Variants in TGFBR2 observed in about 807,000 individuals in gnomAD.
The protein encoded by TGFBR2 is transforming growth factor beta receptor 2, also known as TGF-beta receptor type-2.
TGFBR2 carries 18 observed loss-of-function variants against 49.0 expected under a neutral mutation model. That is an observed-to-expected ratio of 0.37 (90% CI 0.25 to 0.54). The LOEUF (loss-of-function observed/expected upper bound fraction) is 0.54. Among genes scored for constraint, TGFBR2 ranks in the 20% least tolerant of loss-of-function variants. The pLI is 0.85. For synonymous variants in TGFBR2, 282 were observed against 275.9 expected, an observed-to-expected ratio of 1.02 and a Z score of -0.22; for missense variants, 525 against 722.6, an observed-to-expected ratio of 0.73 and a Z score of 3.13.
intron 3 of TGFBR2, among the ~76,000 whole-genome samples, chr3:30,662,082 A>G (rs1340567321): frequency 6.6e-6 from 1 of 152,210 alleles, no homozygotes; most frequent in Admixed American, 6.5e-5. Flanking sequence ...TCCCATAGAA[A>G]ACGGATTCAT....
intron 1 of TGFBR2, among the ~76,000 whole-genome samples, chr3:30,632,443 G>A (rs151016821): frequency 3.2e-4 from 48 of 152,228 alleles, no homozygotes; most frequent in African/African-American, 1.1e-3. Context: ...AACACTCTTG[G>A]CAACTTTATT....
intron 5 of TGFBR2, among the ~76,000 whole-genome samples, chr3:30,679,552 G>A (rs114973498): frequency 1.3e-5 from 2 of 152,270 alleles, no homozygotes; most frequent in African/African-American, 2.4e-5. Context: ...AGAGAGAAAG[G>A]CTTCTTATTG....
At chr3:30,624,965 A>G (rs1698304494) in intron 1 of TGFBR2, among the ~76,000 whole-genome samples, 1 of 152,112 alleles carries the variant, frequency 6.6e-6, no homozygotes, top group South Asian at 2.1e-4. Flanking sequence ...GGGTTCATGG[A>G]TTTATAATTG....
rs147673222 is a variant in TGFBR2 at position 30,676,484 on chromosome 3, T to TC, written c.1396+2242dup. ...AAAAGATCTGTCTCTTCTGACACCA[T>TC]CCCCTGTTCTTTGTTTACTAATTAT... On this transcript the variant is annotated intron_variant, in intron 5 of 6. Transcript: ENST00000295754. The surrounding 1 kb of genome is among the most constrained non-coding windows in gnomAD (Gnocchi z 4.3). Among the ~76,000 whole-genome samples, 4,118 of 152,306 alleles carry TC rather than the reference T, an allele frequency of 0.027. 187 individuals are homozygous for TC. Among genetic ancestry groups the TC allele is most frequent in the African/African-American group, 0.095 (3,952 of 41,548 alleles).
Position 30,669,721 on chromosome 3 carries a change from T to A in TGFBR2, c.455-1917T>A, listed in dbSNP as rs192517354. 3.9e-5 allele frequency among the ~76,000 whole-genome samples: 6 copies of A among 152,338 alleles called. No individual in the cohort carries two copies. In the East Asian group the frequency reaches 1.2e-3, roughly 29 times the overall value. On this transcript the variant is annotated intron_variant, in intron 3 of 6. Coordinates refer to ENST00000295754, the MANE Select transcript of TGFBR2 (RefSeq NM_003242.6). Reference sequence around the variant, plus strand: ...CTGCCATCTTGAACATGTCCTTAGTTCCTGCTGGCATTCACCCGTGCAAGC... The same window carrying A: ...CTGCCATCTTGAACATGTCCTTAGTACCTGCTGGCATTCACCCGTGCAAGC...
intron 1 of TGFBR2, among the ~76,000 whole-genome samples, chr3:30,625,009 T>G (rs1376968131): frequency 6.6e-6 from 1 of 152,218 alleles, no homozygotes; most frequent in Non-Finnish European, 1.5e-5. Flanking sequence ...TAAATTTCAG[T>G]GTTACCTTTT....
chr3:30,693,343 G>A lies in TGFBR2; in HGVS notation c.*1744G>A. 4.3e-6 allele frequency: 1 copy of A among 233,720 alleles called. No homozygotes were observed. The highest frequency in any genetic ancestry group is 6.0e-5 in the East Asian group (1 of 16,694). 14.5% of individuals were successfully genotyped at this position (233,720 alleles called of 1,614,324 possible). A position where few individuals can be genotyped will look rare whatever the true frequency, so the allele number is the denominator to read the frequency against. On this transcript the variant is annotated 3_prime_UTR_variant, in exon 7 of 7. Coordinates refer to ENST00000295754, the MANE Select transcript of TGFBR2 (RefSeq NM_003242.6). ...GCAGTTAGAAAATTTGTGTCCACAA[G>A]GACAAGAACAAAGTATGAGCTTTAA...
At chr3:30,647,685 T>TTAC (rs1338677922) in intron 2 of TGFBR2, among the ~76,000 whole-genome samples, 1 of 152,012 alleles carries the variant, frequency 6.6e-6, no homozygotes, top group Non-Finnish European at 1.5e-5. Flanking sequence ...ATTATTATTA[T>TTAC]TTTTAAATTG....
At chr3:30,642,247 G>A (rs1378528348) in intron 1 of TGFBR2, among the ~76,000 whole-genome samples, 1 of 152,126 alleles carries the variant, frequency 6.6e-6, no homozygotes, top group Non-Finnish European at 1.5e-5. Flanking sequence ...ACTAATTCCA[G>A]CTATATCCAG....
At chr3:30,679,853 G>C (rs1161230309) in intron 5 of TGFBR2, among the ~76,000 whole-genome samples, 1 of 152,202 alleles carries the variant, frequency 6.6e-6, no homozygotes, top group Non-Finnish European at 1.5e-5. Flanking sequence ...GCCATGTACA[G>C]GTACAGGCTC....
chr3:30,646,847 C>A (rs1698750838), intron 2 of TGFBR2, among the ~76,000 whole-genome samples: 1 of 152,084 alleles, frequency 6.6e-6, no homozygotes, highest in African/African-American at 2.4e-5. Flanking sequence ...GTAATACAAG[C>A]CCAAATCATT....
At chr3:30,661,869 A>G (rs1699139156) in intron 3 of TGFBR2, among the ~76,000 whole-genome samples, 1 of 152,150 alleles carries the variant, frequency 6.6e-6, no homozygotes, top group African/African-American at 2.4e-5. Flanking sequence ...AGATCACTTT[A>G]CCCTTAGAAA....
chr3:30,650,230 C>T lies in TGFBR2; in HGVS notation c.264-40C>T, dbSNP rs775012210. ...TTATTCATTTATTCTCTTTCTCTCTCTCCCTCTCCCCTCGCTTCCAATGAA... is the reference window on the plus strand; with the variant it reads ...TTATTCATTTATTCTCTTTCTCTCTTTCCCTCTCCCCTCGCTTCCAATGAA... On this transcript the variant is annotated intron_variant, in intron 2 of 6. Coordinates refer to ENST00000295754, the MANE Select transcript of TGFBR2 (RefSeq NM_003242.6). 8 of 1,585,972 alleles carry T rather than the reference C, an allele frequency of 5.0e-6. No individual in the cohort carries two copies. The East Asian group carries it at 1.6e-4, about 31-fold the overall frequency.
At chr3:30,636,868 T>G (rs921153408) in intron 1 of TGFBR2, among the ~76,000 whole-genome samples, 5 of 151,660 alleles carry the variant, frequency 3.3e-5, no homozygotes, top group South Asian at 2.1e-4. Flanking sequence ...ATCGAGACCA[T>G]CCTGGCTAAC....
intron 1 of TGFBR2, among the ~76,000 whole-genome samples, chr3:30,622,879 C>CAAAAAAAAAAAAAAAAAAA (rs10575244): frequency 1.3e-5 from 1 of 75,624 alleles, no homozygotes; most frequent in Non-Finnish European, 2.3e-5. Flanking sequence ...GACTTTGTCT[C>CAAAAAAAAAAAAAAAAAAA]AAAAAAAAAA....
At chr3:30,613,307 G>A (rs1183729183) in intron 1 of TGFBR2, among the ~76,000 whole-genome samples, 2 of 152,006 alleles carry the variant, frequency 1.3e-5, no homozygotes, top group East Asian at 1.9e-4. Flanking sequence ...GGGGTGAGGT[G>A]ACTTTTGGGC....
rs17026341 is a variant in TGFBR2, at chr3:30,693,281, A to G, written c.*1682A>G. The G allele has an allele frequency of 3.6e-4, 84 of 233,748 alleles. No homozygotes were observed. The highest frequency in any genetic ancestry group is 1.8e-3 in the African/African-American group (81 of 45,460). 14.5% of individuals were successfully genotyped at this position (233,748 alleles called of 1,614,324 possible). A position where few individuals can be genotyped will look rare whatever the true frequency, so the allele number is the denominator to read the frequency against. On this transcript the variant is annotated 3_prime_UTR_variant, in exon 7 of 7. Transcript: ENST00000295754. ...CTTCTCAACCTTTGCAGAAATTACT[A>G]GAGAGGATTTGAATGTGGGACACAA...
chr3:30,617,741 G>T (rs1304870703), intron 1 of TGFBR2, among the ~76,000 whole-genome samples: 1 of 152,130 alleles, frequency 6.6e-6, no homozygotes, highest in South Asian at 2.1e-4. Flanking sequence ...AGCAACTGAA[G>T]ATGTTCTAAT....
intron 3 of TGFBR2, among the ~76,000 whole-genome samples, chr3:30,650,847 A>G (rs894913941): frequency 2.6e-5 from 4 of 152,190 alleles, no homozygotes; most frequent in Non-Finnish European, 5.9e-5. Flanking sequence ...AAGCCCTCCC[A>G]GTAATTCTGT....
Sources: allele counts gnomAD v4.1 joint callset (sites outside exome capture counted in the v4.1 genomes callset), GRCh38; gene constraint gnomAD v4.1.1; non-coding constraint Gnocchi (gnomAD v3.1); transcripts MANE v1.5; gene names NCBI Gene and HGNC (gene_info 2026-07-23, HGNC 2026-07-21).